The following SCYL3 variants were observed in gnomAD, a reference collection of about 807,000 sequenced individuals.
The protein encoded by SCYL3 is SCY1 like pseudokinase 3, also known as protein-associating with the carboxyl-terminal domain of ezrin.
In SCYL3, 35 loss-of-function variants were observed where a neutral mutation model predicts 73.8. The observed-to-expected ratio is 0.47, with a 90% CI of 0.36 to 0.63. SCYL3 has a LOEUF of 0.63. Among genes scored for constraint, SCYL3 ranks in the 20% least tolerant of loss-of-function variants. SCYL3 has a pLI of 0.00. For missense variants in SCYL3, 712 were observed against 798.9 expected (o/e 0.89, Z 1.31); for synonymous variants, 277 against 295.2 (o/e 0.94, Z 0.63).
chr1:169,873,760 G>A lies in SCYL3; in HGVS notation c.466-8C>T. On this transcript the variant is annotated splice_region_variant and splice_polypyrimidine_tract_variant and intron_variant, in intron 4 of 12. Transcript: ENST00000367771. ...CTGAATACTCCTCAGAAACTAGACA[G>A]AGAAATAAATTAAAGAAAATGATTC... 1 of 1,590,604 alleles carries A rather than the reference G, an allele frequency of 6.3e-7. No individual in the cohort carries two copies. The highest frequency in any genetic ancestry group is 1.1e-5 in the South Asian group (1 of 89,898).
chr1:169,861,602 G>A (rs970021730), intron 10 of SCYL3, among the ~76,000 whole-genome samples: 1 of 152,166 alleles, frequency 6.6e-6, no homozygotes, highest in Non-Finnish European at 1.5e-5. Context: ...TTAATAAAAT[G>A]ATTATTATTT....
At chr1:169,889,977 C>T (rs893723339) in intron 1 of SCYL3, among the ~76,000 whole-genome samples, 8 of 152,188 alleles carry the variant, frequency 5.3e-5, no homozygotes, top group African/African-American at 1.9e-4. Context: ...CCTTCCAAAT[C>T]TTCTACAATA....
intron 3 of SCYL3, among the ~76,000 whole-genome samples, chr1:169,877,740 AC>A (rs966506004): frequency 6.6e-6 from 1 of 152,208 alleles, no homozygotes; most frequent in African/African-American, 2.4e-5. Context: ...TCACCCACAT[AC>A]TGTACAAACT....
intron 2 of SCYL3, 86 bp from the exon 3 acceptor site, chr1:169,878,905 T>C (rs1466610120): frequency 8.9e-6 from 11 of 1,231,670 alleles, no homozygotes; most frequent in East Asian, 2.4e-5. Context: ...AATCAGAAAA[T>C]GTATACTTGC....
At position 169,878,521 on chromosome 1, in the gene SCYL3, C is replaced by G. The variant is rs1220321946; in HGVS notation, c.351+113G>C. ...TCCTCAGGAAGTTTTCTAATAATAA[C>G]ACTTAACTTACAATTTCTATGAACA... On this transcript the variant is annotated intron_variant, in intron 3 of 12. Transcript: ENST00000367771. 4 of 947,466 alleles carry G rather than the reference C, an allele frequency of 4.2e-6. No homozygotes were observed. In the African/African-American group the frequency reaches 5.1e-5, roughly 12 times the overall value. 58.7% of individuals were successfully genotyped at this position (947,466 alleles called of 1,614,324 possible). A position where few individuals can be genotyped will look rare whatever the true frequency, so the allele number is the denominator to read the frequency against.
At chr1:169,886,072 AG>A (rs1661662753) in intron 2 of SCYL3, among the ~76,000 whole-genome samples, 1 of 152,144 alleles carries the variant, frequency 6.6e-6, no homozygotes, top group Admixed American at 6.5e-5. Flanking sequence ...CAGCACTTTG[AG>A]AGGCTGAGGA....
At chr1:169,860,444 G>A (rs1659546204) in intron 10 of SCYL3, among the ~76,000 whole-genome samples, 1 of 152,270 alleles carries the variant, frequency 6.6e-6, no homozygotes, top group South Asian at 2.1e-4. Context: ...AGCAGGGCGT[G>A]ACAGGTATCA....
Position 169,854,445 on chromosome 1 carries a change from T to C in SCYL3, c.1832A>G (p.Lys611Arg). Residue 611 changes from lysine to arginine, a missense_variant, in exon 12 of 13, where the codon AAG becomes AGG. By Grantham distance (26) the Lys-to-Arg change is conservative. Around this residue, in one of 2 missense-constraint regions of SCYL3, gnomAD observed 370 missense variants for 350.8 expected, o/e 1.05. Transcript: ENST00000367771. The part of the protein sequence containing the change: ...LGEEFTIQVK[K>R]KPVKDPEMDW... ...CATCTCAGGATCTTTTACTGGCTTC[T>C]TTTTTACTTGAATGGTGAATTCCTC... The C allele has an allele frequency of 6.2e-7, 1 of 1,614,094 alleles. No individual in the cohort carries two copies. The highest frequency in any genetic ancestry group is 8.5e-7 in the Non-Finnish European group (1 of 1,179,974).
upstream of SCYL3, chr1:169,894,173 C>T (rs1168376660): frequency 6.6e-6 from 1 of 152,270 alleles, no homozygotes; most frequent in Non-Finnish European, 1.5e-5. Flanking sequence ...TTTGTCTTGA[C>T]TTGAATTTTT....
intron 11 of SCYL3, among the ~76,000 whole-genome samples, chr1:169,856,186 T>C (rs1029018435): frequency 1.6e-4 from 24 of 152,346 alleles, no homozygotes; most frequent in African/African-American, 4.8e-4. Context: ...CATGTGGTGA[T>C]GGATCAAAGC....
At position 169,888,806 on chromosome 1, in the gene SCYL3, G is replaced by A; in HGVS notation, c.35C>T (p.Thr12Ile). Residue 12 changes from threonine (T) to isoleucine (I), a missense_variant, in exon 2 of 13, where the codon ACA (threonine) becomes ATA (isoleucine). Thr to Ile is a moderately conservative substitution (Grantham distance 89). Transcript: ENST00000367771. ...TAAGGTAAATGGTGGTTCTCTCAGT[G>A]TATAGCTCTTTAAAGCACTGTTCTC... ...GSENSALKSY[T>I]LREPPFTLPS... 2.5e-6 allele frequency: 4 copies of A among 1,613,898 alleles called. No individual in the cohort carries two copies. The highest frequency in any genetic ancestry group is 3.4e-6 in the Non-Finnish European group (4 of 1,179,876).
chr1:169,873,829 A>C, intron 4 of SCYL3, 77 bp from the exon 5 acceptor site: 1 of 961,398 alleles, frequency 1.0e-6, no homozygotes, highest in Non-Finnish European at 1.7e-6. Context: ...AGGTTACATA[A>C]GCAATGAGCA....
chr1:169,864,217 G>T, intron 9 of SCYL3, 152 bp downstream of exon 9: 2 of 979,566 alleles, frequency 2.0e-6, no homozygotes, highest in Admixed American at 2.1e-5. Flanking sequence ...ACCCAGGTTT[G>T]AATTAAAGTT....
chr1:169,852,017 T>C lies in SCYL3; in HGVS notation c.*1696A>G. 1 of 1,592,670 alleles carries C rather than the reference T, an allele frequency of 6.3e-7. No individual in the cohort carries two copies. Among genetic ancestry groups the C allele is most frequent in the Middle Eastern group, 1.7e-4 (1 of 6,022 alleles). On this transcript the variant is annotated 3_prime_UTR_variant, in exon 13 of 13. Coordinates refer to ENST00000367771, the MANE Select transcript of SCYL3 (RefSeq NM_020423.7). ...TACTTACTGACGAAACAAACCAGTG[T>C]GGTTTCCAGCCTTATGCTGAATTTC... is the stretch of plus-strand genomic sequence containing the variant.
intron 3 of SCYL3, among the ~76,000 whole-genome samples, chr1:169,877,819 C>T (rs1445129271): frequency 6.6e-6 from 1 of 152,198 alleles, no homozygotes; most frequent in Non-Finnish European, 1.5e-5. Flanking sequence ...ACTAATAATT[C>T]TCGTTATCAT....
intron 4 of SCYL3, among the ~76,000 whole-genome samples, chr1:169,874,971 T>C (rs1202186704): frequency 6.6e-6 from 1 of 152,064 alleles, no homozygotes; most frequent in East Asian, 1.9e-4. Context: ...AGGCTGAAGG[T>C]AGGCTGCAGA....
Position 169,862,751 on chromosome 1 carries a change from G to C in SCYL3, c.1002C>G (p.Phe334Leu). 2 of 1,614,204 alleles carry C rather than the reference G, an allele frequency of 1.2e-6. No individual in the cohort carries two copies. The highest frequency in any genetic ancestry group is 1.7e-6 in the Non-Finnish European group (2 of 1,180,032). Residue 334 changes from phenylalanine (F) to leucine (L), a missense_variant, in exon 10 of 13, where the codon TTC (phenylalanine) becomes TTG (leucine). Phe to Leu is a conservative substitution (Grantham distance 22, BLOSUM62 0). This residue lies in a region of SCYL3 where 342 missense variants were observed against 448.1 expected (regional missense o/e 0.76). Transcript: ENST00000367771. ...GAAGCACGGGGATCACCCGTGACTG[G>C]AACAGGGCTGGTGAGAGCAAGCAAG... ...ETPCLLSPAL[F>L]QSRVIPVLLQ...
At chr1:169,881,764 C>A (rs2102199325) in intron 2 of SCYL3, among the ~76,000 whole-genome samples, 1 of 152,170 alleles carries the variant, frequency 6.6e-6, no homozygotes, top group East Asian at 1.9e-4. Context: ...GGACCAGTTT[C>A]ATGAACACAA....
chr1:169,856,128 A>C (rs1245571421), intron 11 of SCYL3, among the ~76,000 whole-genome samples: 1 of 152,218 alleles, frequency 6.6e-6, no homozygotes, highest in Non-Finnish European at 1.5e-5. Context: ...CCATTATGGA[A>C]TGGACTGCCT....
Sources: allele counts gnomAD v4.1 joint callset (sites outside exome capture counted in the v4.1 genomes callset), GRCh38; gene constraint gnomAD v4.1.1; regional missense constraint gnomAD v4.1.1; transcripts MANE v1.5; gene names NCBI Gene and HGNC (gene_info 2026-07-23, HGNC 2026-07-21).